HSPBAP1: variants seen among roughly 807,000 people sequenced by gnomAD.
HSPBAP1 encodes the protein HSPB1 associated protein 1, also known as HSPB1-associated protein 1.
In HSPBAP1, 27 loss-of-function variants were observed where a neutral mutation model predicts 45.2. The ratio of observed to expected loss-of-function variants is 0.60; its 90% CI spans 0.44 to 0.82. The LOEUF is 0.82. Among genes scored for constraint, HSPBAP1 ranks in the 40% least tolerant of loss-of-function variants. The probability of loss-of-function intolerance (pLI) is 0.00; values close to 1 mark genes in which losing one functional copy is unlikely to be tolerated. For missense variants in HSPBAP1, 510 were observed against 590.9 expected (o/e 0.86, Z 1.42); for synonymous variants, 204 against 202.7 (o/e 1.01, Z -0.06).
chr3:122,761,354 CT>C (rs992815195), intron 3 of HSPBAP1, among the ~76,000 whole-genome samples: 1 of 151,982 alleles, frequency 6.6e-6, no homozygotes, highest in Non-Finnish European at 1.5e-5. Context: ...ATGAAAAACC[CT>C]GTTCTAGAGC....
At chr3:122,747,383 C>G (rs1486156978) in intron 6 of HSPBAP1, among the ~76,000 whole-genome samples, 2 of 151,402 alleles carry the variant, frequency 1.3e-5, no homozygotes, top group Admixed American at 1.3e-4. Context: ...CGCCTGGCAA[C>G]CGCCCCATCT....
intron 6 of HSPBAP1, among the ~76,000 whole-genome samples, chr3:122,743,871 G>C (rs895215360): frequency 2.6e-5 from 4 of 152,098 alleles, no homozygotes; most frequent in African/African-American, 9.7e-5. Context: ...TTCTAGGCTG[G>C]GCATGGTGGC....
At chr3:122,764,861 G>T (rs1262510825) in intron 3 of HSPBAP1, among the ~76,000 whole-genome samples, 1 of 152,206 alleles carries the variant, frequency 6.6e-6, no homozygotes, top group African/African-American at 2.4e-5. Context: ...TTTGCCCCAA[G>T]GATGCTTCTC....
At chr3:122,755,108 C>T (rs559431012) in intron 5 of HSPBAP1, 152 bp downstream of exon 5, 2 of 1,223,400 alleles carry the variant, frequency 1.6e-6, no homozygotes, top group South Asian at 3.5e-5. Flanking sequence ...AAGCCTACAA[C>T]TGGGGAAGCT....
intron 1 of HSPBAP1, among the ~76,000 whole-genome samples, chr3:122,788,554 G>A (rs567560414): frequency 9.2e-5 from 14 of 152,324 alleles, no homozygotes; most frequent in Non-Finnish European, 1.8e-4. Context: ...CAACTCAAAG[G>A]TCTGTTGACG....
intron 1 of HSPBAP1, among the ~76,000 whole-genome samples, chr3:122,792,828 G>A (rs932489922): frequency 6.6e-6 from 1 of 150,628 alleles, no homozygotes; most frequent in Non-Finnish European, 1.5e-5. Context: ...CCAAAATCGC[G>A]CCACTGCACT....
intron 4 of HSPBAP1, among the ~76,000 whole-genome samples, chr3:122,756,304 G>A (rs1009501192): frequency 3.3e-5 from 5 of 152,150 alleles, no homozygotes; most frequent in South Asian, 2.1e-4. Flanking sequence ...TGCTGTTTTC[G>A]AACTAAGAAG....
At position 122,777,712 on chromosome 3, in the gene HSPBAP1, T is replaced by C. The variant is rs776473435; in HGVS notation, c.250+9A>G. 2.5e-6 allele frequency: 4 copies of C among 1,602,858 alleles called. No individual in the cohort carries two copies. Among genetic ancestry groups the C allele is most frequent in the Non-Finnish European group, 3.4e-6 (4 of 1,170,944 alleles). On this transcript the variant is annotated intron_variant, in intron 2 of 7. Transcript: ENST00000306103. ...GAGACATTATGATGGTGATTACCTA[T>C]AGTCATACCTGTGCTCATGCTTTTC...
intron 3 of HSPBAP1, among the ~76,000 whole-genome samples, chr3:122,764,927 C>T (rs1024747673): frequency 1.3e-5 from 2 of 152,156 alleles, no homozygotes; most frequent in Non-Finnish European, 2.9e-5. Flanking sequence ...TCAGGAGCCT[C>T]GTTAAGTCAC....
intron 6 of HSPBAP1, among the ~76,000 whole-genome samples, chr3:122,748,384 A>T (rs1001578050): frequency 1.2e-4 from 18 of 145,122 alleles, no homozygotes; most frequent in African/African-American, 4.6e-4. Flanking sequence ...TCAATTAAAA[A>T]AAAAAAAAGA....
intron 6 of HSPBAP1, among the ~76,000 whole-genome samples, chr3:122,752,059 T>A (rs1458949541): frequency 1.3e-5 from 2 of 152,124 alleles, no homozygotes; most frequent in Admixed American, 1.3e-4. Flanking sequence ...ATTCTAATTG[T>A]CAAATAGAGC....
At chr3:122,785,232 G>C (rs1031902629) in intron 1 of HSPBAP1, among the ~76,000 whole-genome samples, 3 of 152,212 alleles carry the variant, frequency 2.0e-5, no homozygotes, top group African/African-American at 7.2e-5. Context: ...ATGAGTGTAT[G>C]TGCACGTGCA....
intron 1 of HSPBAP1, among the ~76,000 whole-genome samples, chr3:122,779,819 TG>T (rs1935346182): frequency 6.6e-6 from 1 of 151,930 alleles, no homozygotes; most frequent in South Asian, 2.1e-4. Context: ...AGCACAGGGT[TG>T]GGGGTAAGGT....
At chr3:122,779,818 T>G (rs1178432021) in intron 1 of HSPBAP1, among the ~76,000 whole-genome samples, 2 of 151,834 alleles carry the variant, frequency 1.3e-5, no homozygotes, top group African/African-American at 4.8e-5. Context: ...GAGCACAGGG[T>G]TGGGGGTAAG....
chr3:122,779,923 G>A (rs368231263), intron 1 of HSPBAP1, among the ~76,000 whole-genome samples: 2 of 151,720 alleles, frequency 1.3e-5, no homozygotes, highest in South Asian at 2.1e-4. Flanking sequence ...ACACAGACAC[G>A]GCAACCATCC....
At chr3:122,764,327 T>C (rs1934700941) in intron 3 of HSPBAP1, among the ~76,000 whole-genome samples, 1 of 152,240 alleles carries the variant, frequency 6.6e-6, no homozygotes, top group Non-Finnish European at 1.5e-5. Context: ...CTTAAACCCC[T>C]AGCTTCACCT....
Position 122,793,742 on chromosome 3 carries a change from G to A in HSPBAP1, c.-62C>T, listed in dbSNP as rs896920426. 5.6e-5 allele frequency: 84 copies of A among 1,512,574 alleles called. No individual in the cohort carries two copies. Among genetic ancestry groups the A allele is most frequent in the Non-Finnish European group, 6.7e-5 (73 of 1,092,192 alleles). 93.7% of individuals were successfully genotyped at this position (1,512,574 alleles called of 1,614,324 possible). A position where few individuals can be genotyped will look rare whatever the true frequency, so the allele number is the denominator to read the frequency against. On this transcript the variant is annotated 5_prime_UTR_variant, in exon 1 of 8. Coordinates refer to ENST00000306103, the MANE Select transcript of HSPBAP1 (RefSeq NM_024610.6). ...GGAGCGGAGCTGGGGTGGGGTCAGAGTAGGGGCCAAACTCCGAGACCCGAA... is the reference window on the plus strand; with the variant it reads ...GGAGCGGAGCTGGGGTGGGGTCAGAATAGGGGCCAAACTCCGAGACCCGAA...
chr3:122,741,425 T>G (rs1486820727), intron 6 of HSPBAP1: 3 of 291,860 alleles, frequency 1.0e-5, no homozygotes, highest in African/African-American at 6.5e-5. Flanking sequence ...AGTTTTTTTT[T>G]TAAAGTACCA....
At position 122,768,804 on chromosome 3, in the gene HSPBAP1, C is replaced by G. The variant is rs752811342; in HGVS notation, c.329G>C (p.Ser110Thr). ...EFLTWNCDQSSISGPFRDYDH... is the reference protein window; with the variant it reads ...EFLTWNCDQSTISGPFRDYDH... ...ATAATCTCTAAATGGTCCAGAAATACTAGACTGGTCACAGTTCCAGGTCAG... is the reference window on the plus strand; with the variant it reads ...ATAATCTCTAAATGGTCCAGAAATAGTAGACTGGTCACAGTTCCAGGTCAG... The change falls in exon 3 of 8, where the codon AGT (serine) becomes ACT (threonine). Residue 110 changes from serine (S) to threonine (T), a missense_variant. By Grantham distance (58) the Ser-to-Thr change is moderately conservative. Coordinates refer to ENST00000306103, the MANE Select transcript of HSPBAP1 (RefSeq NM_024610.6). 75 of 1,611,234 alleles carry G rather than the reference C, an allele frequency of 4.7e-5. No individual in the cohort carries two copies. Among genetic ancestry groups the G allele is most frequent in the Non-Finnish European group, 6.1e-5 (72 of 1,177,492 alleles).
Sources: gnomAD v4.1 joint callset for allele counts (sites outside exome capture counted in the v4.1 genomes callset) on GRCh38, gnomAD v4.1.1 for gene constraint, MANE v1.5 for transcripts, NCBI Gene and HGNC (gene_info 2026-07-23, HGNC 2026-07-21) for gene names.